SVIL: variants seen among roughly 807,000 people sequenced by gnomAD.
The protein encoded by SVIL is archvillin.
SVIL carries 101 observed loss-of-function variants against 240.4 expected under a neutral mutation model. The observed-to-expected ratio is 0.42, with a 90% CI of 0.36 to 0.50. The LOEUF (loss-of-function observed/expected upper bound fraction) is 0.50. SVIL is among the 20% of genes least tolerant of loss of function. The pLI is 0.01. For synonymous variants in SVIL, 999 were observed against 1,100.0 expected (o/e 0.91, Z 1.82); for missense variants, 2,512 against 2,818.7 (o/e 0.89, Z 2.46).
At chr10:29,497,709 A>G (rs1244138618) in intron 18 of SVIL, among the ~76,000 whole-genome samples, 1 of 152,224 alleles carries the variant, frequency 6.6e-6, no homozygotes. Context: ...CCTAAAAGGA[A>G]GAGGGGATAA....
At chr10:29,689,370 C>A (rs988161309) in intron 1 of SVIL, among the ~76,000 whole-genome samples, 1 of 152,120 alleles carries the variant, frequency 6.6e-6, no homozygotes, top group Admixed American at 6.5e-5. Flanking sequence ...CTGCAACCTC[C>A]GCCTCCCGGG....
chr10:29,583,430 G>T (rs1467327893), intron 1 of SVIL, among the ~76,000 whole-genome samples: 1 of 152,100 alleles, frequency 6.6e-6, no homozygotes, highest in East Asian at 1.9e-4. Flanking sequence ...CTCCTGAGTA[G>T]CTGGGACTAC....
intron 2 of SVIL, among the ~76,000 whole-genome samples, chr10:29,659,635 G>A (rs981658853): frequency 6.6e-6 from 1 of 151,978 alleles, no homozygotes; most frequent in South Asian, 2.1e-4. Context: ...ATGGGTGCGG[G>A]GTCAAAGGGG....
At chr10:29,513,295 G>A (rs1949984921) in intron 16 of SVIL, among the ~76,000 whole-genome samples, 1 of 152,150 alleles carries the variant, frequency 6.6e-6, no homozygotes. Context: ...AGCTGGCCAG[G>A]CACGGTGGCT....
chr10:29,681,806 T>G (rs1018959917), intron 2 of SVIL, among the ~76,000 whole-genome samples: 3 of 152,166 alleles, frequency 2.0e-5, no homozygotes, highest in African/African-American at 7.2e-5. Context: ...GCAATAAGGC[T>G]TGCTGCTTCT....
In SVIL at chr10:29,547,311, T is replaced by C. The variant is rs139561972; in HGVS notation, c.827+3286A>G. ...TTTTCCATCCCTCTTTATGTAAATATGTCCCAGGTATTTTCCTAATAAATA... is the reference window on the plus strand; with the variant it reads ...TTTTCCATCCCTCTTTATGTAAATACGTCCCAGGTATTTTCCTAATAAATA... On this transcript the variant is annotated intron_variant, in intron 6 of 37. Coordinates refer to ENST00000355867, the MANE Select transcript of SVIL (RefSeq NM_021738.3). 8.6e-3 allele frequency among the ~76,000 whole-genome samples: 1,307 copies of C among 152,320 alleles called. 22 individuals carry two copies. The highest frequency in any genetic ancestry group is 0.03 in the African/African-American group (1,228 of 41,584).
intron 1 of SVIL, among the ~76,000 whole-genome samples, chr10:29,691,275 G>A (rs889758602): frequency 2.7e-5 from 4 of 150,548 alleles, no homozygotes; most frequent in Admixed American, 2.0e-4. Flanking sequence ...GCAGTGGTGC[G>A]ATCTCGGCTC....
chr10:29,702,468 G>T (rs1214429634), intron 1 of SVIL, among the ~76,000 whole-genome samples: 1 of 152,170 alleles, frequency 6.6e-6, no homozygotes, highest in Non-Finnish European at 1.5e-5. Context: ...CACGGGCTCT[G>T]TGTTTCTGAG....
At chr10:29,716,532 A>C (rs1478252087) in intron 1 of SVIL, among the ~76,000 whole-genome samples, 4 of 152,242 alleles carry the variant, frequency 2.6e-5, no homozygotes, top group Non-Finnish European at 5.9e-5. Flanking sequence ...CAAAAGGAGA[A>C]AGCTGTGTGT....
intron 6 of SVIL, among the ~76,000 whole-genome samples, chr10:29,536,903 C>A (rs375112055): frequency 4.8e-4 from 49 of 102,196 alleles, no homozygotes; most frequent in African/African-American, 2.2e-3. Flanking sequence ...AACAGCACGA[C>A]TCTGTCACAA....
At chr10:29,499,310 C>A (rs183514759) in intron 17 of SVIL, 47 bp from the exon 18 acceptor site, 5 of 1,609,586 alleles carry the variant, frequency 3.1e-6, no homozygotes, top group Middle Eastern at 1.7e-4. Context: ...GAAATGACAG[C>A]GGTGTGGACC....
chr10:29,679,025 G>A (rs908898063), intron 2 of SVIL, among the ~76,000 whole-genome samples: 1 of 152,182 alleles, frequency 6.6e-6, no homozygotes, highest in Non-Finnish European at 1.5e-5. Context: ...GGCCAATATG[G>A]TGAAACCCCA....
At chr10:29,553,790 G>A (rs1037260423) in intron 5 of SVIL, among the ~76,000 whole-genome samples, 7 of 152,262 alleles carry the variant, frequency 4.6e-5, no homozygotes, top group Admixed American at 1.3e-4. Flanking sequence ...AATATGCAAC[G>A]TATTTAAAAT....
rs1033414907 is a variant in SVIL, at chr10:29,735,554, G to A, written c.-400+197C>T. ...GGGCCGAGCGCAGCGCCCCGTCGCA[G>A]CGGCCCGGGCACCCGCCGGCCTCCA... On this transcript the variant is annotated intron_variant, in intron 1 of 35. Coordinates refer to the SVIL transcript ENST00000375400. The surrounding 1 kb of genome is among the most constrained non-coding windows in gnomAD (Gnocchi z 4.1). 1.3e-5 allele frequency among the ~76,000 whole-genome samples: 2 copies of A among 150,494 alleles called. No homozygotes were observed. The highest frequency in any genetic ancestry group is 3.0e-5 in the Non-Finnish European group (2 of 67,368).
rs775873660 is a variant in SVIL at position 29,488,695 on chromosome 10, G to A, written c.4254C>T (p.Phe1418=). 6.2e-7 allele frequency: 1 copy of A among 1,613,074 alleles called. No homozygotes were observed. The highest frequency in any genetic ancestry group is 8.5e-7 in the Non-Finnish European group (1 of 1,179,620). The change falls in exon 23 of 38, where the codon TTC becomes TTT. Residue 1418 remains phenylalanine (F), a synonymous_variant. Transcript: ENST00000355867. The part of the protein sequence containing the change: ...TLAGLASKEN[F]SNVSLRSVNL... Reference sequence around the variant, plus strand: ...TGACGCTCCGCAGGCTGACGTTGCTGAAGTTTTCTTTACTGGCTAAACCCG... The same window carrying A: ...TGACGCTCCGCAGGCTGACGTTGCTAAAGTTTTCTTTACTGGCTAAACCCG...
intron 27 of SVIL, among the ~76,000 whole-genome samples, chr10:29,482,312 G>A (rs139591932): frequency 6.6e-6 from 1 of 152,142 alleles, no homozygotes; most frequent in African/African-American, 2.4e-5. Flanking sequence ...GGGACTACAG[G>A]TGTGGGCCAC....
At chr10:29,650,799 A>G (rs774401491) in intron 3 of SVIL, among the ~76,000 whole-genome samples, 11 of 152,128 alleles carry the variant, frequency 7.2e-5, no homozygotes, top group Non-Finnish European at 1.5e-4. Context: ...AATAAAAATC[A>G]TAAGTTGGCC....
At chr10:29,632,711 T>C (rs1413231946) in intron 1 of SVIL, among the ~76,000 whole-genome samples, 1 of 152,208 alleles carries the variant, frequency 6.6e-6, no homozygotes, top group Admixed American at 6.5e-5. Context: ...TGGAAGACTA[T>C]GCATGTGGCA....
chr10:29,531,402 A>G (rs1437184592), intron 9 of SVIL, 114 bp from the exon 10 acceptor site: 3 of 1,040,960 alleles, frequency 2.9e-6, no homozygotes, highest in Non-Finnish European at 4.3e-6. Context: ...CTTTTAAGAA[A>G]TAACCTCCTG....
Sources: allele counts gnomAD v4.1 joint callset (sites outside exome capture counted in the v4.1 genomes callset), GRCh38; gene constraint gnomAD v4.1.1; non-coding constraint Gnocchi (gnomAD v3.1); transcripts MANE v1.5; gene names NCBI Gene and HGNC (gene_info 2026-07-23, HGNC 2026-07-21).